Variants in KATNAL1 observed in about 807,000 individuals in gnomAD.
KATNAL1 encodes the protein katanin catalytic subunit A1 like 1.
KATNAL1 carries 32 observed loss-of-function variants against 55.2 expected under a neutral mutation model. The observed-to-expected ratio is 0.58, with a 90% CI of 0.44 to 0.78. The LOEUF is 0.78. Ranked by LOEUF, KATNAL1 falls within the 30% of genes least tolerant of loss-of-function variation. The pLI is 0.00. For synonymous variants in KATNAL1, 193 were observed against 193.6 expected, an observed-to-expected ratio of 1.00 and a Z score of 0.02; for missense variants, 466 against 600.9, an observed-to-expected ratio of 0.78 and a Z score of 2.35.
Position 30,215,179 on chromosome 13 carries a change from C to T in KATNAL1, c.1148-4737G>A, listed in dbSNP as rs1246842039. 3.3e-5 allele frequency among the ~76,000 whole-genome samples: 5 copies of T among 151,956 alleles called. No homozygotes were observed. The East Asian group carries it at 5.8e-4, about 18-fold the overall frequency. On this transcript the variant is annotated intron_variant, in intron 9 of 10. Coordinates refer to ENST00000380615, the MANE Select transcript of KATNAL1 (RefSeq NM_032116.5). Reference sequence around the variant, plus strand: ...CCAAAAAACACATGAAAAAAATGCTCATCATCACTGGCCATCAGAGAAATG... The same window carrying T: ...CCAAAAAACACATGAAAAAAATGCTTATCATCACTGGCCATCAGAGAAATG...
At chr13:30,289,428 T>C (rs957849570) in intron 1 of KATNAL1, among the ~76,000 whole-genome samples, 1 of 152,254 alleles carries the variant, frequency 6.6e-6, no homozygotes, top group Non-Finnish European at 1.5e-5. Flanking sequence ...GGTTAACAAA[T>C]GAGCCACTTG....
chr13:30,264,467 A>T (rs964032361), intron 3 of KATNAL1, among the ~76,000 whole-genome samples: 6 of 148,784 alleles, frequency 4.0e-5, no homozygotes, highest in African/African-American at 1.5e-4. Flanking sequence ...AAATTTTCAC[A>T]ACCTACTCAT....
intron 9 of KATNAL1, among the ~76,000 whole-genome samples, chr13:30,223,921 G>A (rs927104997): frequency 6.6e-6 from 1 of 152,126 alleles, no homozygotes; most frequent in African/African-American, 2.4e-5. Context: ...CTATTCAATT[G>A]CATCTGGAGC....
At chr13:30,272,522 C>T (rs2137510312) in intron 3 of KATNAL1, among the ~76,000 whole-genome samples, 1 of 152,272 alleles carries the variant, frequency 6.6e-6, no homozygotes, top group East Asian at 1.9e-4. Context: ...AGGCAAAGAT[C>T]TTTTCAACAA....
intron 1 of KATNAL1, among the ~76,000 whole-genome samples, chr13:30,286,247 G>C (rs1268481120): frequency 6.6e-6 from 1 of 152,212 alleles, no homozygotes; most frequent in African/African-American, 2.4e-5. Context: ...TCCAGGGCAT[G>C]TCAGAGATGT....
At chr13:30,245,029 A>AG (rs975702723) in intron 4 of KATNAL1, among the ~76,000 whole-genome samples, 1 of 151,692 alleles carries the variant, frequency 6.6e-6, no homozygotes, top group Non-Finnish European at 1.5e-5. Context: ...AAAAAAAAAA[A>AG]GGGACTCTTC....
intron 3 of KATNAL1, among the ~76,000 whole-genome samples, chr13:30,276,748 A>C (rs545931807): frequency 2.0e-5 from 3 of 152,304 alleles, no homozygotes; most frequent in African/African-American, 7.2e-5. Context: ...TATACCCATA[A>C]CATACCCACT....
intron 3 of KATNAL1, among the ~76,000 whole-genome samples, chr13:30,260,608 G>A (rs1172311994): frequency 1.3e-5 from 2 of 152,178 alleles, no homozygotes; most frequent in African/African-American, 2.4e-5. Context: ...TCAACTGGAA[G>A]AAAGGGTATC....
chr13:30,229,064 A>T lies in KATNAL1; in HGVS notation c.1012+1404T>A, dbSNP rs540927477. 2.6e-5 allele frequency among the ~76,000 whole-genome samples: 4 copies of T among 152,226 alleles called. No individual in the cohort carries two copies. In the South Asian group the frequency reaches 8.3e-4, roughly 32 times the overall value. On this transcript the variant is annotated intron_variant, in intron 8 of 10. Coordinates refer to ENST00000380615, the MANE Select transcript of KATNAL1 (RefSeq NM_032116.5). ...CATTGCACTCAGTCCCTCACCCTGG[A>T]TATTTTTTAATGTATTTTATCTGTT...
At chr13:30,209,633 C>A (rs1308133163) in intron 10 of KATNAL1, among the ~76,000 whole-genome samples, 3 of 152,242 alleles carry the variant, frequency 2.0e-5, no homozygotes, top group Non-Finnish European at 4.4e-5. Flanking sequence ...CCAGCTTACG[C>A]TGATCATTTT....
chr13:30,259,040 G>A (rs1160333817), intron 3 of KATNAL1, among the ~76,000 whole-genome samples: 3 of 152,134 alleles, frequency 2.0e-5, no homozygotes, highest in South Asian at 2.1e-4. Flanking sequence ...GCTATACAAC[G>A]TAAAAGGCTG....
At chr13:30,240,894 A>G in intron 5 of KATNAL1, 65 bp downstream of exon 5, 1 of 1,446,620 alleles carries the variant, frequency 6.9e-7, no homozygotes, top group Non-Finnish European at 9.5e-7. Context: ...GAAAACTCAC[A>G]CACCAAGACA....
intron 3 of KATNAL1, among the ~76,000 whole-genome samples, chr13:30,265,597 A>C (rs1879698158): frequency 6.6e-6 from 1 of 151,978 alleles, no homozygotes; most frequent in Non-Finnish European, 1.5e-5. Context: ...CAACTTATTA[A>C]ATTTAACTAT....
At chr13:30,287,457 G>A (rs917260320) in intron 1 of KATNAL1, among the ~76,000 whole-genome samples, 5 of 152,060 alleles carry the variant, frequency 3.3e-5, no homozygotes, top group South Asian at 2.1e-4. Flanking sequence ...AGTTTCCTGC[G>A]GCCTCCCCAA....
chr13:30,288,632 A>G (rs1881946081), intron 1 of KATNAL1, among the ~76,000 whole-genome samples: 1 of 152,234 alleles, frequency 6.6e-6, no homozygotes, highest in Non-Finnish European at 1.5e-5. Flanking sequence ...ATTAAGAAAT[A>G]CTATTGAGTC....
intron 9 of KATNAL1, among the ~76,000 whole-genome samples, chr13:30,212,017 G>A (rs1283124219): frequency 1.3e-5 from 2 of 152,072 alleles, no homozygotes; most frequent in African/African-American, 2.4e-5. Context: ...ACTATCCACA[G>A]GGAAAAAAAT....
intron 6 of KATNAL1, among the ~76,000 whole-genome samples, chr13:30,240,005 C>T (rs988525948): frequency 1.3e-5 from 2 of 152,104 alleles, no homozygotes; most frequent in African/African-American, 4.8e-5. Context: ...TTTTAAAACA[C>T]AGCTAAAGAC....
chr13:30,288,213 T>C (rs903504206), intron 1 of KATNAL1, among the ~76,000 whole-genome samples: 7 of 152,178 alleles, frequency 4.6e-5, no homozygotes, highest in African/African-American at 1.4e-4. Context: ...ATACTGATAG[T>C]AGTCACAAGC....
Position 30,216,371 on chromosome 13 carries a change from G to A in KATNAL1, c.1148-5929C>T, listed in dbSNP as rs563006997. 1.2e-3 allele frequency among the ~76,000 whole-genome samples: 179 copies of A among 152,260 alleles called. 1 individual carries two copies. Among genetic ancestry groups the A allele is most frequent in the African/African-American group, 4.1e-3 (171 of 41,548 alleles). On this transcript the variant is annotated intron_variant, in intron 9 of 10. Coordinates refer to ENST00000380615, the MANE Select transcript of KATNAL1 (RefSeq NM_032116.5). ...AGGGAGGCTCCACTTCTCCTGGAGC[G>A]GGTAACAGGGCTGTCTGCTTCACCA...
Sources: gnomAD v4.1 joint callset for allele counts (sites outside exome capture counted in the v4.1 genomes callset) on GRCh38, gnomAD v4.1.1 for gene constraint, MANE v1.5 for transcripts, NCBI Gene and HGNC (gene_info 2026-07-23, HGNC 2026-07-21) for gene names.